The following RPS6KC1 variants were observed in gnomAD, a reference collection of about 807,000 sequenced individuals.
The protein encoded by RPS6KC1 is ribosomal protein S6 kinase C1, also known as inactive ribosomal protein S6 kinase delta-1.
RPS6KC1 carries 54 observed loss-of-function variants against 103.8 expected under a neutral mutation model. The observed-to-expected ratio is 0.52, with a 90% CI of 0.42 to 0.65. The LOEUF (loss-of-function observed/expected upper bound fraction) is 0.65. Ranked by LOEUF, RPS6KC1 falls within the 30% of genes least tolerant of loss-of-function variation. The probability of loss-of-function intolerance (pLI) is 0.00; values close to 1 mark genes in which losing one functional copy is unlikely to be tolerated. For synonymous variants in RPS6KC1, 439 were observed against 438.7 expected (o/e 1.00, Z -0.01); for missense variants, 1,151 against 1,253.8 (o/e 0.92, Z 1.24).
the RPS6KC1 span, among the ~76,000 whole-genome samples, chr1:213,719,844 G>A: frequency 3.9e-5 from 6 of 152,242 alleles, no homozygotes; most frequent in South Asian, 1.2e-3. Context: ...AGGGAGGAGA[G>A]GGTTGGCAAG....
the RPS6KC1 span, among the ~76,000 whole-genome samples, chr1:213,666,294 AGGT>A: frequency 6.6e-6 from 1 of 152,202 alleles, no homozygotes; most frequent in Non-Finnish European, 1.5e-5. Flanking sequence ...TAGAAACACA[AGGT>A]GGTGCTAAGT....
At chr1:213,269,012 G>A (rs915738901) in intron 14 of RPS6KC1, among the ~76,000 whole-genome samples, 1 of 152,138 alleles carries the variant, frequency 6.6e-6, no homozygotes, top group African/African-American at 2.4e-5. Flanking sequence ...TCAATAAAGT[G>A]AATATCTAAA....
chr1:213,678,768 A>T, the RPS6KC1 span, among the ~76,000 whole-genome samples: 1 of 152,192 alleles, frequency 6.6e-6, no homozygotes, highest in Non-Finnish European at 1.5e-5. Flanking sequence ...GAGTCACTAC[A>T]CAGTGAAGTG....
chr1:213,236,126 G>C (rs1487246395), intron 10 of RPS6KC1, among the ~76,000 whole-genome samples: 1 of 152,094 alleles, frequency 6.6e-6, no homozygotes, highest in Non-Finnish European at 1.5e-5. Context: ...CACTCCTTAT[G>C]GGAATCTAAT....
At chr1:213,636,875 A>G in the RPS6KC1 span, among the ~76,000 whole-genome samples, 5 of 152,184 alleles carry the variant, frequency 3.3e-5, no homozygotes, top group Admixed American at 3.3e-4. Flanking sequence ...CATCTGACAA[A>G]GGGCTAATAT....
intron 4 of RPS6KC1, among the ~76,000 whole-genome samples, chr1:213,106,853 A>C (rs7552122): frequency 0.044 from 6,772 of 152,294 alleles, 244 homozygotes; most frequent in African/African-American, 0.095. Context: ...GTATTAGTAC[A>C]GTTACTAATT....
chr1:213,664,095 C>T, the RPS6KC1 span, among the ~76,000 whole-genome samples: 1 of 151,292 alleles, frequency 6.6e-6, no homozygotes, highest in Non-Finnish European at 1.5e-5. Flanking sequence ...CTGGCCTGCA[C>T]CCAGCTCCCT....
the RPS6KC1 span, among the ~76,000 whole-genome samples, chr1:213,809,393 A>G: frequency 2.0e-5 from 3 of 152,178 alleles, no homozygotes; most frequent in African/African-American, 7.2e-5. Context: ...GATAATTTAA[A>G]AGTTTGAGGT....
chr1:213,212,103 G>C (rs1038143078), intron 8 of RPS6KC1, among the ~76,000 whole-genome samples: 2 of 152,028 alleles, frequency 1.3e-5, no homozygotes, highest in African/African-American at 4.8e-5. Context: ...ACAGTTCATA[G>C]TTTATATTAA....
At chr1:213,303,981 G>A in the RPS6KC1 span, among the ~76,000 whole-genome samples, 5 of 151,318 alleles carry the variant, frequency 3.3e-5, no homozygotes, top group East Asian at 1.9e-4. Flanking sequence ...CGAGGCAGGC[G>A]GATCACGAGG....
At chr1:213,634,740 T>A in the RPS6KC1 span, among the ~76,000 whole-genome samples, 1 of 149,190 alleles carries the variant, frequency 6.7e-6, no homozygotes, top group African/African-American at 2.5e-5. Context: ...AGATCAGAAC[T>A]GAAAGAGATA....
intron 8 of RPS6KC1, among the ~76,000 whole-genome samples, chr1:213,202,053 G>A (rs751363547): frequency 1.3e-5 from 2 of 152,088 alleles, no homozygotes; most frequent in Non-Finnish European, 2.9e-5. Flanking sequence ...AATGCTCTCA[G>A]ACAGTTTGCA....
chr1:213,850,137 A>T, the RPS6KC1 span, among the ~76,000 whole-genome samples: 1 of 152,178 alleles, frequency 6.6e-6, no homozygotes, highest in Admixed American at 6.5e-5. Context: ...ATATTGTTAA[A>T]CAAATAATTG....
At chr1:213,678,943 A>G in the RPS6KC1 span, among the ~76,000 whole-genome samples, 2 of 152,152 alleles carry the variant, frequency 1.3e-5, no homozygotes. Context: ...AAACACTAGC[A>G]CAATTCCTGG....
At chr1:213,134,606 CAG>C (rs2086048226) in intron 6 of RPS6KC1, among the ~76,000 whole-genome samples, 1 of 152,066 alleles carries the variant, frequency 6.6e-6, no homozygotes, top group Admixed American at 6.6e-5. Context: ...GCTAGGCTAT[CAG>C]GGATGTCCAG....
the RPS6KC1 span, among the ~76,000 whole-genome samples, chr1:213,542,374 G>A: frequency 5.1e-4 from 78 of 152,128 alleles, no homozygotes; most frequent in Non-Finnish European, 9.3e-4. Flanking sequence ...TCCCCCTCCC[G>A]CTGGGGGAGA....
At chr1:213,082,982 A>T (rs148918641) in intron 3 of RPS6KC1, among the ~76,000 whole-genome samples, 408 of 152,276 alleles carry the variant, frequency 2.7e-3, no homozygotes, top group African/African-American at 9.3e-3. Flanking sequence ...GCCTCTGCCA[A>T]CTCAGCAGAA....
In RPS6KC1 at chr1:213,093,402, G is replaced by A. The variant is rs535103597; in HGVS notation, c.263-11052G>A. Among the ~76,000 whole-genome samples, 20 of 151,882 alleles carry A rather than the reference G, an allele frequency of 1.3e-4. No homozygotes were observed. The South Asian group carries it at 2.5e-3, about 19-fold the overall frequency. On this transcript the variant is annotated intron_variant, in intron 3 of 14. Coordinates refer to ENST00000366960, the MANE Select transcript of RPS6KC1 (RefSeq NM_012424.6). Reference sequence around the variant, plus strand: ...ATTTTTGTAGTTTAGTAGAGATGGGGTTTCACCATGTTGGCCAGGCTGGTT... The same window carrying A: ...ATTTTTGTAGTTTAGTAGAGATGGGATTTCACCATGTTGGCCAGGCTGGTT...
the RPS6KC1 span, among the ~76,000 whole-genome samples, chr1:213,716,107 A>C: frequency 6.6e-6 from 1 of 152,204 alleles, no homozygotes; most frequent in African/African-American, 2.4e-5. Context: ...ACACATCACT[A>C]TATCAAAGAA....
Sources: gnomAD v4.1 joint callset for allele counts (sites outside exome capture counted in the v4.1 genomes callset) on GRCh38, gnomAD v4.1.1 for gene constraint, MANE v1.5 for transcripts, NCBI Gene and HGNC (gene_info 2026-07-23, HGNC 2026-07-21) for gene names.